Variants in WDR7 observed in about 807,000 individuals in gnomAD.
The protein encoded by WDR7 is WD repeat-containing protein 7.
A neutral mutation model predicts 169.4 loss-of-function variants in WDR7; 46 were observed. That is an observed-to-expected ratio of 0.27 (90% CI 0.21 to 0.35). WDR7 has a LOEUF of 0.35. Ranked by LOEUF, WDR7 falls within the 10% of genes least tolerant of loss-of-function variation. The pLI, the probability that WDR7 is intolerant of heterozygous loss-of-function variation, is 1.00. For missense variants in WDR7, 1,534 were observed against 1,859.3 expected (o/e 0.83, Z 3.22); for synonymous variants, 612 against 666.8 (o/e 0.92, Z 1.27).
rs148832943 is a variant in WDR7 at position 56,903,324 on chromosome 18, G to C, written c.3527-20598G>C. 1.7e-4 allele frequency among the ~76,000 whole-genome samples: 26 copies of C among 152,174 alleles called. No individual in the cohort carries two copies. The East Asian group carries it at 3.1e-3, about 18-fold the overall frequency. ...TTCATTCTGGTGGTAAAATTCACTT[G>C]TTGTTTTGAGAGTTGAGCTGTGGAT... On this transcript the variant is annotated intron_variant, in intron 21 of 27. Coordinates refer to ENST00000254442, the MANE Select transcript of WDR7 (RefSeq NM_015285.3).
intron 19 of WDR7, among the ~76,000 whole-genome samples, chr18:56,813,254 G>A (rs1321123120): frequency 6.6e-6 from 1 of 151,488 alleles, no homozygotes; most frequent in African/African-American, 2.4e-5. Context: ...TAAAATGTGT[G>A]TATGTGTGTG....
chr18:56,800,350 A>G (rs1258313734), intron 19 of WDR7, among the ~76,000 whole-genome samples: 1 of 152,198 alleles, frequency 6.6e-6, no homozygotes, highest in Admixed American at 6.5e-5. Context: ...GCATGTTTAT[A>G]TCTTCACCAG....
chr18:56,885,842 C>A (rs866416384), intron 21 of WDR7, among the ~76,000 whole-genome samples: 287 of 144,144 alleles, frequency 2.0e-3, no homozygotes, highest in African/African-American at 4.5e-3. Context: ...AAAAAAAAAA[C>A]AAAAAACTTC....
intron 26 of WDR7, among the ~76,000 whole-genome samples, chr18:57,020,526 G>A (rs1568316920): frequency 6.6e-6 from 1 of 152,214 alleles, no homozygotes; most frequent in African/African-American, 2.4e-5. Flanking sequence ...CTAGGAGGCA[G>A]GTGGACACCT....
At chr18:56,690,903 A>G (rs550916294) in intron 7 of WDR7, among the ~76,000 whole-genome samples, 1 of 152,240 alleles carries the variant, frequency 6.6e-6, no homozygotes, top group South Asian at 2.1e-4. Context: ...ATTATTTGCA[A>G]TTCTTTAATG....
chr18:56,870,063 T>C (rs1375346363), intron 20 of WDR7, among the ~76,000 whole-genome samples: 2 of 152,172 alleles, frequency 1.3e-5, no homozygotes, highest in African/African-American at 4.8e-5. Flanking sequence ...TGTCTTTGTG[T>C]GTTCCCATTT....
At chr18:56,688,550 T>C (rs1281408499) in intron 7 of WDR7, among the ~76,000 whole-genome samples, 24 of 87,806 alleles carry the variant, frequency 2.7e-4, no homozygotes, top group Non-Finnish European at 9.5e-5. Context: ...ACCCCGTCTC[T>C]ACTAAAAATA....
intron 20 of WDR7, among the ~76,000 whole-genome samples, chr18:56,871,250 G>C (rs1183416838): frequency 1.3e-5 from 2 of 152,110 alleles, no homozygotes; most frequent in Non-Finnish European, 2.9e-5. Context: ...GTTTGCTCTT[G>C]CTCTTTAATA....
At chr18:56,907,650 A>G (rs994724693) in intron 21 of WDR7, among the ~76,000 whole-genome samples, 9 of 152,184 alleles carry the variant, frequency 5.9e-5, no homozygotes, top group African/African-American at 2.2e-4. Context: ...ATTTATTAAA[A>G]AACAGAAATG....
chr18:56,937,100 C>T (rs1400254856), intron 23 of WDR7, among the ~76,000 whole-genome samples: 1 of 152,108 alleles, frequency 6.6e-6, no homozygotes, highest in African/African-American at 2.4e-5. Flanking sequence ...TTTCAAACTT[C>T]ATTTGCACCA....
chr18:57,011,071 T>TA (rs2048129546), intron 26 of WDR7, among the ~76,000 whole-genome samples: 1 of 152,190 alleles, frequency 6.6e-6, no homozygotes, highest in Admixed American at 6.5e-5. Context: ...CTCGATACCA[T>TA]AAAAAACTTA....
At chr18:56,667,191 C>T (rs954285437) in intron 1 of WDR7, among the ~76,000 whole-genome samples, 2 of 152,122 alleles carry the variant, frequency 1.3e-5, no homozygotes, top group African/African-American at 4.8e-5. Flanking sequence ...CTTTCCTTAC[C>T]ACCCAGTTTG....
intron 26 of WDR7, among the ~76,000 whole-genome samples, chr18:56,991,050 G>T (rs1482678718): frequency 6.6e-6 from 1 of 151,876 alleles, no homozygotes; most frequent in Non-Finnish European, 1.5e-5. Flanking sequence ...CTGTTCTCCT[G>T]TGATGAAAGT....
chr18:56,987,652 A>T (rs1224766077), intron 26 of WDR7, among the ~76,000 whole-genome samples: 4 of 152,204 alleles, frequency 2.6e-5, no homozygotes, highest in Non-Finnish European at 5.9e-5. Flanking sequence ...CTTTTAAAGC[A>T]TTTTGGTGCT....
chr18:56,933,930 A>G (rs2046923930), intron 22 of WDR7, among the ~76,000 whole-genome samples: 1 of 152,208 alleles, frequency 6.6e-6, no homozygotes, highest in Non-Finnish European at 1.5e-5. Flanking sequence ...GCTGCCCAGG[A>G]GATGGACATT....
intron 21 of WDR7, among the ~76,000 whole-genome samples, chr18:56,912,789 A>G (rs2046570052): frequency 6.6e-6 from 1 of 152,132 alleles, no homozygotes; most frequent in Admixed American, 6.6e-5. Flanking sequence ...CAACCTGTAA[A>G]AGTTCTTCAG....
At chr18:56,911,368 C>T (rs2046549638) in intron 21 of WDR7, among the ~76,000 whole-genome samples, 1 of 152,152 alleles carries the variant, frequency 6.6e-6, no homozygotes, top group Admixed American at 6.6e-5. Context: ...CAAAGATGTC[C>T]AGACTGAGAA....
chr18:56,763,959 T>G (rs1388053501), intron 16 of WDR7, among the ~76,000 whole-genome samples: 1 of 152,120 alleles, frequency 6.6e-6, no homozygotes, highest in African/African-American at 2.4e-5. Context: ...TCTTGATCAG[T>G]CTGTCTTGTA....
At chr18:56,941,885 C>T (rs1482913200) in intron 25 of WDR7, among the ~76,000 whole-genome samples, 1 of 152,174 alleles carries the variant, frequency 6.6e-6, no homozygotes, top group South Asian at 2.1e-4. Context: ...ACGCACTCTG[C>T]CATGGAATGG....
Sources: allele counts gnomAD v4.1 joint callset (sites outside exome capture counted in the v4.1 genomes callset), GRCh38; gene constraint gnomAD v4.1.1; transcripts MANE v1.5; gene names NCBI Gene and HGNC (gene_info 2026-07-23, HGNC 2026-07-21).